Variants in RAP1B observed in about 807,000 individuals in gnomAD.
RAP1B encodes the protein RAP1B, member of RAS oncogene family, also known as ras-related protein Rap-1b.
In RAP1B, 1 loss-of-function variant was observed where a neutral mutation model predicts 27.5. The ratio of observed to expected loss-of-function variants is 0.04; its 90% confidence interval spans 0.01 to 0.17. RAP1B has a LOEUF of 0.17. Among genes scored for constraint, RAP1B ranks in the 10% least tolerant of loss-of-function variants. The probability of loss-of-function intolerance (pLI) is 1.00; values close to 1 mark genes in which losing one functional copy is unlikely to be tolerated. For synonymous variants in RAP1B, 75 were observed against 73.1 expected (o/e 1.03, Z -0.13); for missense variants, 84 against 214.8 (o/e 0.39, Z 3.81).
chr12:68,662,705 A>G lies in RAP1B; in HGVS notation c.*3456A>G, dbSNP rs375983779. 1 of 152,196 alleles carries G rather than the reference A, an allele frequency of 6.6e-6. No individual in the cohort carries two copies. The highest frequency in any genetic ancestry group is 1.9e-4 in the East Asian group (1 of 5,198). The allele number at this position is 152,196 out of a possible 1,614,324, so 9.4% of individuals were successfully genotyped here. A position where few individuals can be genotyped will look rare whatever the true frequency, so the allele number is the denominator to read the frequency against. ...TCTTACTATTACCTTAGAAGCCTTA[A>G]AAGTGCTTGCAGGCTTGTCTCATAA... On this transcript the variant is annotated 3_prime_UTR_variant, in exon 8 of 8. Transcript: ENST00000250559.
intron 1 of RAP1B, among the ~76,000 whole-genome samples, chr12:68,613,328 G>T (rs1487091395): frequency 5.3e-5 from 8 of 150,458 alleles, no homozygotes; most frequent in African/African-American, 2.0e-4. Flanking sequence ...GAGGCGGAGG[G>T]TGCAGTGAGC....
intron 1 of RAP1B, among the ~76,000 whole-genome samples, chr12:68,621,881 C>T (rs1036950072): frequency 6.6e-6 from 1 of 152,216 alleles, no homozygotes; most frequent in Non-Finnish European, 1.5e-5. Flanking sequence ...TGCTTCCCAG[C>T]AGTCCCTTGT....
chr12:68,628,391 C>A (rs1377863862), intron 1 of RAP1B, among the ~76,000 whole-genome samples: 1 of 152,180 alleles, frequency 6.6e-6, no homozygotes, highest in African/African-American at 2.4e-5. Flanking sequence ...GTGTTTGTGG[C>A]TATGTTAGCT....
At position 68,649,145 on chromosome 12, in the gene RAP1B, A is replaced by G. The variant is rs374515245; in HGVS notation, c.57+364A>G. ...AGGGTCTCACTCTGTTGCCCAGGCT[A>G]GGGCTCAAGTGATCTCAGCCTCCTG... On this transcript the variant is annotated intron_variant, in intron 2 of 7. Coordinates refer to ENST00000250559, the MANE Select transcript of RAP1B (RefSeq NM_001010942.3). 4.7e-4 allele frequency: 81 copies of G among 170,972 alleles called. 1 individual carries two copies. The highest frequency in any genetic ancestry group is 8.7e-5 in the Non-Finnish European group (7 of 80,234). 10.6% of individuals were successfully genotyped at this position (170,972 alleles called of 1,614,324 possible). A position where few individuals can be genotyped will look rare whatever the true frequency, so the allele number is the denominator to read the frequency against.
rs556004733 is a variant in RAP1B, at chr12:68,656,581, C to T, written c.468+132C>T. 3.6e-4 allele frequency: 301 copies of T among 845,494 alleles called. 3 individuals are homozygous for T. In the East Asian group the frequency reaches 7.2e-3, roughly 20 times the overall value. The allele number at this position is 845,494 out of a possible 1,614,324, so 52.4% of individuals were successfully genotyped here. On this transcript the variant is annotated intron_variant, in intron 6 of 7. Coordinates refer to ENST00000250559, the MANE Select transcript of RAP1B (RefSeq NM_001010942.3). Reference sequence around the variant, plus strand: ...ATGTTACAGGCAAAAAAAAAAAACCCTCATGTTAAATGTATCTATGTAGTA... The same window carrying T: ...ATGTTACAGGCAAAAAAAAAAAACCTTCATGTTAAATGTATCTATGTAGTA...
At chr12:68,626,871 C>T (rs902148937) in intron 1 of RAP1B, 54 of 1,576,088 alleles carry the variant, frequency 3.4e-5, no homozygotes, top group Admixed American at 3.2e-4. Flanking sequence ...TGGAAGCCCT[C>T]ATGAGTGCAG....
At chr12:68,646,761 G>A (rs1873438403) in intron 1 of RAP1B, among the ~76,000 whole-genome samples, 1 of 152,184 alleles carries the variant, frequency 6.6e-6, no homozygotes, top group African/African-American at 2.4e-5. Flanking sequence ...CCATTTGTTA[G>A]TGAACATGCA....
intron 1 of RAP1B, among the ~76,000 whole-genome samples, chr12:68,612,450 TC>T (rs1225314380): frequency 1.3e-5 from 2 of 152,146 alleles, no homozygotes; most frequent in African/African-American, 4.8e-5. Context: ...ACTATTTAGA[TC>T]ATCCAGTCCC....
At chr12:68,657,426 A>C (rs138122636) in intron 7 of RAP1B, 176 of 327,762 alleles carry the variant, frequency 5.4e-4, no homozygotes, top group Non-Finnish European at 7.8e-4. Context: ...TTTTTTTGAG[A>C]TGGAGTTTCA....
chr12:68,623,882 A>G (rs1245114694), intron 1 of RAP1B, among the ~76,000 whole-genome samples: 1 of 152,190 alleles, frequency 6.6e-6, no homozygotes, highest in East Asian at 1.9e-4. Context: ...TTAGCCGGGC[A>G]TGGTGGCGCA....
chr12:68,645,710 CCAGT>C (rs1184870245), intron 1 of RAP1B, among the ~76,000 whole-genome samples: 5 of 152,178 alleles, frequency 3.3e-5, no homozygotes, highest in African/African-American at 4.8e-5. Flanking sequence ...ATGGCTGTTG[CCAGT>C]CAGTCAGAGT....
intron 7 of RAP1B, among the ~76,000 whole-genome samples, chr12:68,658,105 A>G (rs753359861): frequency 6.6e-6 from 1 of 152,082 alleles, no homozygotes; most frequent in Non-Finnish European, 1.5e-5. Context: ...CTGTCATTAA[A>G]CTGTTTATTG....
At position 68,611,463 on chromosome 12, in the gene RAP1B, G is replaced by T. The variant is rs948375314; in HGVS notation, c.-27+420G>T. Among the ~76,000 whole-genome samples, 4 of 151,004 alleles carry T rather than the reference G, an allele frequency of 2.6e-5. No individual in the cohort carries two copies. In the East Asian group the frequency reaches 7.8e-4, roughly 30 times the overall value. On this transcript the variant is annotated intron_variant, in intron 1 of 7. Coordinates refer to ENST00000250559, the MANE Select transcript of RAP1B (RefSeq NM_001010942.3). ...CCCGCCCCGAGCCCCCTCGCTTGTC[G>T]CCTGGGTTCCCTCCGTGGTATGGGT... is the stretch of plus-strand genomic sequence containing the variant.
At chr12:68,644,958 C>G (rs1289474285) in intron 1 of RAP1B, among the ~76,000 whole-genome samples, 2 of 152,124 alleles carry the variant, frequency 1.3e-5, no homozygotes, top group African/African-American at 4.8e-5. Context: ...CTCGGCCTCC[C>G]AAAGTGCTGG....
chr12:68,617,581 A>G (rs116077940), intron 1 of RAP1B, among the ~76,000 whole-genome samples: 402 of 152,322 alleles, frequency 2.6e-3, no homozygotes, highest in African/African-American at 9.2e-3. Flanking sequence ...TAAAGAAGAA[A>G]ATGAGTATCA....
intron 1 of RAP1B, among the ~76,000 whole-genome samples, chr12:68,619,311 G>A (rs1871235584): frequency 1.3e-5 from 2 of 152,160 alleles, no homozygotes; most frequent in African/African-American, 2.4e-5. Context: ...TATGGTCGAT[G>A]ATAAAGTTCC....
chr12:68,654,025 A>T (rs1874017181), intron 4 of RAP1B, 87 bp from the exon 5 acceptor site: 8 of 1,116,818 alleles, frequency 7.2e-6, no homozygotes, highest in Admixed American at 2.2e-5. Flanking sequence ...AGTATTCTTC[A>T]TTGAGCTATA....
At chr12:68,626,774 G>T (rs77399444) in intron 1 of RAP1B, 3 of 1,066,704 alleles carry the variant, frequency 2.8e-6, no homozygotes, top group Non-Finnish European at 3.9e-6. Context: ...TTTCCAGGGT[G>T]TTTTTTTTTT....
intron 1 of RAP1B, among the ~76,000 whole-genome samples, chr12:68,630,689 T>C (rs1371888838): frequency 6.6e-6 from 1 of 152,082 alleles, no homozygotes; most frequent in Non-Finnish European, 1.5e-5. Context: ...GTTTTTTTGT[T>C]TTTTTCAAGG....
Sources: allele counts gnomAD v4.1 joint callset (sites outside exome capture counted in the v4.1 genomes callset), GRCh38; gene constraint gnomAD v4.1.1; transcripts MANE v1.5; gene names NCBI Gene and HGNC (gene_info 2026-07-23, HGNC 2026-07-21).